EXOC6B: variants seen among roughly 807,000 people sequenced by gnomAD.
EXOC6B encodes the protein exocyst complex component 6B.
A neutral mutation model predicts 113.5 loss-of-function variants in EXOC6B; 54 were observed. The observed-to-expected ratio is 0.48, with a 90% confidence interval of 0.38 to 0.60. EXOC6B has a LOEUF of 0.60. EXOC6B is among the 20% of genes least tolerant of loss of function. EXOC6B has a pLI of 0.00. For synonymous variants in EXOC6B, 357 were observed against 339.0 expected (o/e 1.05, Z -0.58); for missense variants, 797 against 977.5 (o/e 0.82, Z 2.46).
chr2:72,704,072 G>T (rs1343154539), intron 6 of EXOC6B, among the ~76,000 whole-genome samples: 7 of 149,110 alleles, frequency 4.7e-5, no homozygotes, highest in Non-Finnish European at 7.5e-5. Context: ...ACCACATACT[G>T]GGAAGTAAAG....
chr2:72,256,242 T>C (rs991717327), intron 20 of EXOC6B, among the ~76,000 whole-genome samples: 2 of 152,210 alleles, frequency 1.3e-5, no homozygotes, highest in African/African-American at 4.8e-5. Flanking sequence ...CTTTCTGATA[T>C]CTTGACTGTG....
chr2:72,801,383 A>G (rs1243840202), intron 1 of EXOC6B, among the ~76,000 whole-genome samples: 2 of 152,212 alleles, frequency 1.3e-5, no homozygotes, highest in Non-Finnish European at 2.9e-5. Flanking sequence ...AAATGTAGAG[A>G]CAATTAACAA....
chr2:72,719,923 A>AT (rs1313601409), intron 5 of EXOC6B, among the ~76,000 whole-genome samples: 2 of 152,212 alleles, frequency 1.3e-5, no homozygotes, highest in Non-Finnish European at 2.9e-5. Flanking sequence ...AAAAGATAAG[A>AT]TTTTTTAAAG....
chr2:72,222,825 A>G (rs527351793), intron 20 of EXOC6B, among the ~76,000 whole-genome samples: 59 of 152,298 alleles, frequency 3.9e-4, no homozygotes, highest in Non-Finnish European at 2.9e-5. Flanking sequence ...AACTGGGCAG[A>G]GGGAACTCTC....
At chr2:72,358,795 AT>A in intron 19 of EXOC6B, among the ~76,000 whole-genome samples, 1 of 152,250 alleles carries the variant, frequency 6.6e-6, no homozygotes, top group Admixed American at 6.5e-5. Context: ...CTCCAGTTCC[AT>A]ACCATGCTAA....
intron 18 of EXOC6B, among the ~76,000 whole-genome samples, chr2:72,409,187 G>C (rs1342440956): frequency 6.6e-6 from 1 of 152,210 alleles, no homozygotes; most frequent in Admixed American, 6.5e-5. Flanking sequence ...ACACCAGTTA[G>C]AATGGCGATC....
intron 20 of EXOC6B, among the ~76,000 whole-genome samples, chr2:72,237,902 T>A (rs1454732082): frequency 6.6e-6 from 1 of 152,212 alleles, no homozygotes. Context: ...TTTTTTTTTT[T>A]AACAGCTTAG....
At chr2:72,273,413 T>C (rs1445345166) in intron 20 of EXOC6B, among the ~76,000 whole-genome samples, 1 of 152,150 alleles carries the variant, frequency 6.6e-6, no homozygotes, top group African/African-American at 2.4e-5. Context: ...CTATCTTAAA[T>C]AGTTCACAGC....
intron 19 of EXOC6B, among the ~76,000 whole-genome samples, chr2:72,362,652 A>C (rs1690389424): frequency 6.6e-6 from 1 of 152,124 alleles, no homozygotes. Flanking sequence ...TATCATACAA[A>C]TATATGCTGA....
At chr2:72,552,523 C>T (rs571435400) in intron 8 of EXOC6B, among the ~76,000 whole-genome samples, 193 of 152,068 alleles carry the variant, frequency 1.3e-3, no homozygotes, top group Middle Eastern at 0.01. Flanking sequence ...TTTAATGAGG[C>T]TAAAACAACA....
chr2:72,412,981 C>T (rs1455796391), intron 18 of EXOC6B, among the ~76,000 whole-genome samples: 2 of 151,760 alleles, frequency 1.3e-5, no homozygotes, highest in East Asian at 3.9e-4. Context: ...TTTCTTGAGA[C>T]AGAGTCTCGC....
At position 72,695,822 on chromosome 2, in the gene EXOC6B, CT is replaced by C. The variant is rs753733783; in HGVS notation, c.669+22280del. 2.1e-3 allele frequency among the ~76,000 whole-genome samples: 320 copies of C among 152,284 alleles called. 1 individual carries two copies. Among genetic ancestry groups the C allele is most frequent in the Non-Finnish European group, 3.8e-3 (256 of 68,026 alleles). ...ACCATTTCTGAAGGCTAGCCTAGAT[CT>C]TTGCATTGAAAAGGGCTCTAAGGCT... On this transcript the variant is annotated intron_variant, in intron 6 of 21. Transcript: ENST00000272427.
In EXOC6B at chr2:72,762,576, C is replaced by A. The variant is rs527448481; in HGVS notation, c.114-21107G>T. On this transcript the variant is annotated intron_variant, in intron 1 of 21. Transcript: ENST00000272427. ...AAAATTGTAAATCAAGAATTTTATA[C>A]CTAGCAAACATATCAATCAACAAAG... Among the ~76,000 whole-genome samples the A allele has an allele frequency of 2.6e-5, 4 of 151,792 alleles. No homozygotes were observed. The South Asian group carries it at 8.3e-4, about 32-fold the overall frequency.
chr2:72,325,172 A>C (rs1426744709), intron 20 of EXOC6B, among the ~76,000 whole-genome samples: 1 of 152,140 alleles, frequency 6.6e-6, no homozygotes, highest in African/African-American at 2.4e-5. Flanking sequence ...CAATCCCTTA[A>C]CCGCATCTGA....
At chr2:72,475,529 G>T (rs1378153807) in intron 17 of EXOC6B, among the ~76,000 whole-genome samples, 1 of 152,132 alleles carries the variant, frequency 6.6e-6, no homozygotes, top group Non-Finnish European at 1.5e-5. Context: ...ACAGGGCTAG[G>T]TGATCCTCTT....
At chr2:72,715,998 C>T (rs886570228) in intron 6 of EXOC6B, among the ~76,000 whole-genome samples, 13 of 152,186 alleles carry the variant, frequency 8.5e-5, no homozygotes, top group African/African-American at 2.7e-4. Context: ...GTGCCAGATA[C>T]TAGCTATTAT....
At chr2:72,377,771 A>G (rs1691441001) in intron 19 of EXOC6B, among the ~76,000 whole-genome samples, 2 of 152,172 alleles carry the variant, frequency 1.3e-5, no homozygotes, top group African/African-American at 2.4e-5. Flanking sequence ...CAAGAGATCT[A>G]TTATACAACG....
intron 18 of EXOC6B, among the ~76,000 whole-genome samples, chr2:72,415,822 T>C (rs990823323): frequency 6.6e-6 from 1 of 152,200 alleles, no homozygotes; most frequent in Non-Finnish European, 1.5e-5. Context: ...AATGGATTTA[T>C]TTACATTATA....
chr2:72,556,959 GA>G (rs935682072), intron 8 of EXOC6B, among the ~76,000 whole-genome samples: 3 of 149,808 alleles, frequency 2.0e-5, no homozygotes, highest in Admixed American at 1.3e-4. Context: ...AGAAAGGAGG[GA>G]AAAAAACAAG....
Sources: gnomAD v4.1 joint callset for allele counts (sites outside exome capture counted in the v4.1 genomes callset) on GRCh38, gnomAD v4.1.1 for gene constraint, MANE v1.5 for transcripts, NCBI Gene and HGNC (gene_info 2026-07-23, HGNC 2026-07-21) for gene names.